SIPA1L1: variants seen among roughly 807,000 people sequenced by gnomAD.
SIPA1L1 encodes signal-induced proliferation-associated 1-like protein 1.
A neutral mutation model predicts 162.7 loss-of-function variants in SIPA1L1; 26 were observed. The observed-to-expected ratio is 0.16, with a 90% CI of 0.12 to 0.22. SIPA1L1 has a LOEUF of 0.22. Among genes scored for constraint, SIPA1L1 ranks in the 10% least tolerant of loss-of-function variants. The pLI is 1.00. For missense variants in SIPA1L1, 1,874 were observed against 2,241.0 expected (o/e 0.84, Z 3.31); for synonymous variants, 829 against 837.4 (o/e 0.99, Z 0.17).
At chr14:71,478,481 T>G (rs1281043309) in intron 2 of SIPA1L1, among the ~76,000 whole-genome samples, 1 of 152,186 alleles carries the variant, frequency 6.6e-6, no homozygotes, top group African/African-American at 2.4e-5. Flanking sequence ...CTTAAAAGTT[T>G]TATAGTTTTA....
intron 3 of SIPA1L1, among the ~76,000 whole-genome samples, chr14:71,528,338 T>A (rs2053093953): frequency 6.6e-6 from 1 of 152,166 alleles, no homozygotes; most frequent in South Asian, 2.1e-4. Flanking sequence ...GTAGACTACA[T>A]GATTTTTGAG....
At chr14:71,707,272 TA>T (rs1376976562) in intron 16 of SIPA1L1, among the ~76,000 whole-genome samples, 1 of 152,206 alleles carries the variant, frequency 6.6e-6, no homozygotes, top group African/African-American at 2.4e-5. Flanking sequence ...GGAAACTCTA[TA>T]AAATGTTCTT....
At chr14:71,716,122 C>T (rs2083251803) in intron 17 of SIPA1L1, among the ~76,000 whole-genome samples, 1 of 108,484 alleles carries the variant, frequency 9.2e-6, no homozygotes, top group Non-Finnish European at 1.7e-5. Context: ...TCTTTGTCAA[C>T]TTAATCATCC....
rs1360051195 is a variant in SIPA1L1, at chr14:71,560,917, G to A, written c.-302-26654G>A. 2.0e-5 allele frequency among the ~76,000 whole-genome samples: 3 copies of A among 152,082 alleles called. No individual in the cohort carries two copies. In the East Asian group the frequency reaches 5.8e-4, roughly 29 times the overall value. Reference sequence around the variant, plus strand: ...AGTCATACATATCCTGTCATTGTAGGGGATGATTTAGATATTAGGATAGCA... The same window carrying A: ...AGTCATACATATCCTGTCATTGTAGAGGATGATTTAGATATTAGGATAGCA... On this transcript the variant is annotated intron_variant, in intron 4 of 23. Transcript: ENST00000381232.
intron 13 of SIPA1L1, among the ~76,000 whole-genome samples, chr14:71,693,997 G>T (rs1391144300): frequency 4.6e-5 from 7 of 152,180 alleles, no homozygotes; most frequent in Non-Finnish European, 1.0e-4. Flanking sequence ...TAAAAAGTAA[G>T]AAATAGAATA....
intron 5 of SIPA1L1, among the ~76,000 whole-genome samples, chr14:71,592,951 A>G (rs1456420574): frequency 1.3e-5 from 2 of 152,094 alleles, no homozygotes; most frequent in African/African-American, 2.4e-5. Flanking sequence ...GTGTATGTTT[A>G]TATTGAGAAC....
chr14:71,601,166 T>C (rs2148009384), intron 5 of SIPA1L1, among the ~76,000 whole-genome samples: 1 of 152,312 alleles, frequency 6.6e-6, no homozygotes, highest in East Asian at 1.9e-4. Flanking sequence ...ATCCTTGTCT[T>C]GTTCCAATTC....
chr14:71,529,311 G>C lies in SIPA1L1; in HGVS notation c.-361-1G>C. The C allele has an allele frequency of 1.5e-6, 1 of 650,184 alleles. No homozygotes were observed. Among genetic ancestry groups the C allele is most frequent in the Non-Finnish European group, 2.8e-6 (1 of 362,932 alleles). The allele number at this position is 650,184 out of a possible 1,614,324, so 40.3% of individuals were successfully genotyped here. A position where few individuals can be genotyped will look rare whatever the true frequency, so the allele number is the denominator to read the frequency against. ...AGGTTTTTTTTCTAATTTTATTTCA[G>C]GTTATACCTTATTGGTGTGGACGTT... On this transcript the variant is annotated splice_acceptor_variant, in intron 3 of 23. Coordinates refer to ENST00000381232, the MANE Select transcript of SIPA1L1 (RefSeq NM_001386936.1). LOFTEE classifies it low-confidence loss of function (5UTR_SPLICE).
At chr14:71,683,040 G>C (rs2045950066) in intron 12 of SIPA1L1, among the ~76,000 whole-genome samples, 1 of 152,186 alleles carries the variant, frequency 6.6e-6, no homozygotes, top group Admixed American at 6.5e-5. Flanking sequence ...TGTAGTCCCA[G>C]CTACTCAGGA....
intron 2 of SIPA1L1, among the ~76,000 whole-genome samples, chr14:71,433,515 C>T (rs1230417753): frequency 6.6e-6 from 1 of 152,142 alleles, no homozygotes; most frequent in Non-Finnish European, 1.5e-5. Context: ...CGGGGCTTCA[C>T]CATGTTACCT....
In SIPA1L1 at chr14:71,377,199, G is replaced by GC. The variant is rs945431013; in HGVS notation, c.-465+56025dup. On this transcript the variant is annotated intron_variant, in intron 2 of 23. Coordinates refer to ENST00000381232, the MANE Select transcript of SIPA1L1 (RefSeq NM_001386936.1). The surrounding 1 kb of genome is among the most constrained non-coding windows in gnomAD (Gnocchi z 4.8). Reference sequence around the variant, plus strand: ...GATGGGGCGGCGGCCGGGTGGGGGCGCCCCCCCACCTCCCAGATGGGGTGG... The same window carrying GC: ...GATGGGGCGGCGGCCGGGTGGGGGCGCCCCCCCCACCTCCCAGATGGGGTGG... Among the ~76,000 whole-genome samples the GC allele has an allele frequency of 1.4e-4, 21 of 149,168 alleles. No individual in the cohort carries two copies. Among genetic ancestry groups the GC allele is most frequent in the South Asian group, 4.3e-4 (2 of 4,678 alleles).
chr14:71,489,152 AC>A (rs2049021448), intron 2 of SIPA1L1, among the ~76,000 whole-genome samples: 1 of 152,192 alleles, frequency 6.6e-6, no homozygotes, highest in Non-Finnish European at 1.5e-5. Context: ...CAGATTTAGA[AC>A]CCAACTTATA....
intron 2 of SIPA1L1, among the ~76,000 whole-genome samples, chr14:71,510,336 G>A (rs1052293069): frequency 1.3e-5 from 2 of 151,628 alleles, no homozygotes; most frequent in Non-Finnish European, 2.9e-5. Context: ...ACAGGTGCCC[G>A]CCACCACGCC....
chr14:71,354,954 C>A (rs546063471), intron 2 of SIPA1L1, among the ~76,000 whole-genome samples: 10 of 152,136 alleles, frequency 6.6e-5, no homozygotes, highest in African/African-American at 2.4e-4. Context: ...ACCCAGGGCC[C>A]GGGGGTCACT....
At chr14:71,592,592 G>A (rs1175365447) in intron 5 of SIPA1L1, among the ~76,000 whole-genome samples, 2 of 151,982 alleles carry the variant, frequency 1.3e-5, no homozygotes, top group African/African-American at 2.4e-5. Context: ...CCATTTGGCT[G>A]CCTAATGCAT....
chr14:71,442,506 T>A (rs2044977518), intron 2 of SIPA1L1, among the ~76,000 whole-genome samples: 1 of 152,190 alleles, frequency 6.6e-6, no homozygotes, highest in South Asian at 2.1e-4. Context: ...AAGAGAAAGT[T>A]GAAATAAATG....
At chr14:71,441,582 C>G (rs936616822) in intron 2 of SIPA1L1, among the ~76,000 whole-genome samples, 4 of 152,244 alleles carry the variant, frequency 2.6e-5, no homozygotes, top group African/African-American at 7.2e-5. Flanking sequence ...GGTACCATGT[C>G]TGTCATGCTC....
chr14:71,737,399 G>A (rs1017031171), intron 22 of SIPA1L1, among the ~76,000 whole-genome samples: 10 of 152,156 alleles, frequency 6.6e-5, no homozygotes, highest in Admixed American at 1.3e-4. Context: ...TCTGTGGTGT[G>A]CCCCTGAGGA....
chr14:71,357,116 G>A (rs1005935998), intron 2 of SIPA1L1, among the ~76,000 whole-genome samples: 3 of 152,020 alleles, frequency 2.0e-5, no homozygotes, highest in Non-Finnish European at 4.4e-5. Context: ...GTGCAGTGGC[G>A]TGATCGTAGC....
Sources: gnomAD v4.1 joint callset for allele counts (sites outside exome capture counted in the v4.1 genomes callset) on GRCh38, gnomAD v4.1.1 for gene constraint, Gnocchi (gnomAD v3.1) non-coding constraint, MANE v1.5 for transcripts, NCBI Gene and HGNC (gene_info 2026-07-23, HGNC 2026-07-21) for gene names.